Variants in EDEM3 observed in about 807,000 individuals in gnomAD.
EDEM3 encodes ER degradation-enhancing alpha-mannosidase-like protein 3.
A neutral mutation model predicts 110.2 loss-of-function variants in EDEM3; 60 were observed. That is an observed-to-expected ratio of 0.54 (90% CI 0.44 to 0.67). The LOEUF (loss-of-function observed/expected upper bound fraction) is 0.67. Ranked by LOEUF, EDEM3 falls within the 30% of genes least tolerant of loss-of-function variation. The probability of loss-of-function intolerance (pLI) is 0.00; values close to 1 mark genes in which losing one functional copy is unlikely to be tolerated. For synonymous variants in EDEM3, 352 were observed against 382.9 expected (o/e 0.92, Z 0.94); for missense variants, 996 against 1,121.0 (o/e 0.89, Z 1.59).
At chr1:184,731,903 G>A (rs557948255) in intron 6 of EDEM3, among the ~76,000 whole-genome samples, 3 of 152,234 alleles carry the variant, frequency 2.0e-5, no homozygotes, top group Admixed American at 2.0e-4. Flanking sequence ...GCACCTGGGT[G>A]TGGTGGCTCA....
chr1:184,708,005 A>G (rs969060628), intron 17 of EDEM3, 148 bp downstream of exon 17: 2 of 694,604 alleles, frequency 2.9e-6, no homozygotes, highest in Admixed American at 3.6e-5. Context: ...TTTTCAAGAC[A>G]TGCTTTTACT....
At chr1:184,750,749 G>A (rs1429808912) in intron 1 of EDEM3, among the ~76,000 whole-genome samples, 2 of 152,002 alleles carry the variant, frequency 1.3e-5, no homozygotes, top group Admixed American at 6.6e-5. Context: ...CTGACCTCAT[G>A]TGATCCACCC....
Position 184,711,893 on chromosome 1 carries a change from AT to A in EDEM3, c.1537-17del, listed in dbSNP as rs758157305. 13 of 1,562,846 alleles carry A rather than the reference AT, an allele frequency of 8.3e-6. No individual in the cohort carries two copies. Among genetic ancestry groups the A allele is most frequent in the African/African-American group, 2.8e-5 (2 of 72,084 alleles). Reference sequence around the variant, plus strand: ...ATTCCGAGGTCTACAAGAGAAAAACATTTTATGTAAACAGAAATAATTATTT... The same window carrying A: ...ATTCCGAGGTCTACAAGAGAAAAACATTTATGTAAACAGAAATAATTATTT... On this transcript the variant is annotated splice_polypyrimidine_tract_variant and intron_variant, in intron 14 of 19. Transcript: ENST00000318130.
At chr1:184,723,975 G>T (rs1396125106) in intron 7 of EDEM3, 119 bp from the exon 8 acceptor site, 2 of 698,670 alleles carry the variant, frequency 2.9e-6, no homozygotes, top group East Asian at 3.1e-5. Flanking sequence ...TAAGAATTAG[G>T]TTAAATTTCT....
At chr1:184,701,078 T>C (rs1410889389) in intron 19 of EDEM3, among the ~76,000 whole-genome samples, 3 of 152,068 alleles carry the variant, frequency 2.0e-5, no homozygotes, top group African/African-American at 4.8e-5. Flanking sequence ...GAATTAATCA[T>C]GTCTCATAAC....
At chr1:184,754,448 G>C (rs372813411) in intron 1 of EDEM3, 41 bp downstream of exon 1, 1 of 1,611,474 alleles carries the variant, frequency 6.2e-7, no homozygotes, top group African/African-American at 1.3e-5. Context: ...CCTGTTGTCA[G>C]CCTCACCGAG....
intron 2 of EDEM3, among the ~76,000 whole-genome samples, chr1:184,738,021 C>T (rs1462644717): frequency 2.0e-5 from 3 of 152,110 alleles, no homozygotes; most frequent in Admixed American, 2.0e-4. Flanking sequence ...CACATACATT[C>T]AAATACATAC....
At chr1:184,725,915 G>T (rs1487591455) in intron 7 of EDEM3, among the ~76,000 whole-genome samples, 1 of 152,036 alleles carries the variant, frequency 6.6e-6, no homozygotes, top group African/African-American at 2.4e-5. Context: ...CAATATGGAA[G>T]TCTAACAAAT....
At chr1:184,752,261 C>T (rs1367507070) in intron 1 of EDEM3, among the ~76,000 whole-genome samples, 1 of 152,102 alleles carries the variant, frequency 6.6e-6, no homozygotes, top group Admixed American at 6.5e-5. Flanking sequence ...TGAGCAATTG[C>T]TTACTATTCA....
chr1:184,707,679 A>G (rs1052190201), intron 17 of EDEM3, among the ~76,000 whole-genome samples: 2 of 152,184 alleles, frequency 1.3e-5, no homozygotes, highest in African/African-American at 4.8e-5. Flanking sequence ...TTTCTACGTT[A>G]TAACTATGTT....
rs746090883 is a variant in EDEM3 at position 184,733,000 on chromosome 1, C to T, written c.459-10G>A. 6.8e-6 allele frequency: 11 copies of T among 1,611,848 alleles called. No individual in the cohort carries two copies. In the African/African-American group the frequency reaches 1.1e-4, roughly 16 times the overall value. ...CCCACCCAAAAGACCCCTAGGATCA[C>T]AGAGATGAAACATTATCCATATCTT... On this transcript the variant is annotated splice_polypyrimidine_tract_variant and intron_variant, in intron 5 of 19. Transcript: ENST00000318130.
At position 184,694,046 on chromosome 1, in the gene EDEM3, A is replaced by T. The variant is rs1649200402; in HGVS notation, c.*17T>A. ...ACCTTTTCTTTTTAAATACCTACCAACAGATTGTTTAGCAAGTCATAGCTC... is the reference window on the plus strand; with the variant it reads ...ACCTTTTCTTTTTAAATACCTACCATCAGATTGTTTAGCAAGTCATAGCTC... On this transcript the variant is annotated 3_prime_UTR_variant, in exon 20 of 20. Coordinates refer to ENST00000318130, the MANE Select transcript of EDEM3 (RefSeq NM_025191.4). 1 of 1,603,560 alleles carries T rather than the reference A, an allele frequency of 6.2e-7. No homozygotes were observed. Among genetic ancestry groups the T allele is most frequent in the East Asian group, 2.2e-5 (1 of 44,750 alleles).
At position 184,711,840 on chromosome 1, in the gene EDEM3, T is replaced by C. The variant is rs1169641764; in HGVS notation, c.1574A>G (p.Asp525Gly). The C allele has an allele frequency of 1.5e-5, 24 of 1,613,270 alleles. No homozygotes were observed. Among genetic ancestry groups the C allele is most frequent in the Non-Finnish European group, 1.9e-5 (23 of 1,179,510 alleles). Residue 525 changes from aspartate (D) to glycine (G), a missense_variant, in exon 15 of 20, where the codon GAT becomes GGT. Physicochemically the swap from Asp to Gly is moderately conservative, Grantham distance 94. Coordinates refer to ENST00000318130, the MANE Select transcript of EDEM3 (RefSeq NM_025191.4). Reference protein sequence around the residue: ...EYTELDDSNFDWTCPNTQILF... With the variant: ...EYTELDDSNFGWTCPNTQILF... ...GATCTGAGTATTTGGACAAGTCCAATCGAAGTTACTGTCATCCAGTTCTGT... is the reference window on the plus strand; with the variant it reads ...GATCTGAGTATTTGGACAAGTCCAACCGAAGTTACTGTCATCCAGTTCTGT...
At chr1:184,746,656 T>C (rs180878432) in intron 2 of EDEM3, among the ~76,000 whole-genome samples, 1 of 152,270 alleles carries the variant, frequency 6.6e-6, no homozygotes, top group African/African-American at 2.4e-5. Context: ...AGATGAGAGG[T>C]GGCAGAGCCA....
chr1:184,697,046 A>T (rs2102054297), intron 19 of EDEM3, among the ~76,000 whole-genome samples: 1 of 152,066 alleles, frequency 6.6e-6, no homozygotes. Flanking sequence ...ATTAGAATTG[A>T]TAAAAAAAAT....
At chr1:184,740,978 AG>A (rs1652104448) in intron 2 of EDEM3, among the ~76,000 whole-genome samples, 1 of 152,256 alleles carries the variant, frequency 6.6e-6, no homozygotes, top group African/African-American at 2.4e-5. Context: ...ATCCAAATTT[AG>A]AAAGGAGTAT....
intron 2 of EDEM3, among the ~76,000 whole-genome samples, chr1:184,739,950 T>C (rs936722745): frequency 1.6e-4 from 25 of 152,030 alleles, no homozygotes; most frequent in African/African-American, 5.6e-4. Flanking sequence ...CCAAAGGACA[T>C]AGGAGTTGAT....
intron 7 of EDEM3, 78 bp from the exon 8 acceptor site, chr1:184,723,934 C>T (rs1339688409): frequency 2.1e-5 from 22 of 1,041,922 alleles, no homozygotes; most frequent in Non-Finnish European, 2.8e-5. Context: ...AGGAAACTAA[C>T]AAACAAAACT....
intron 4 of EDEM3, among the ~76,000 whole-genome samples, chr1:184,736,437 A>G (rs769790265): frequency 1.2e-4 from 18 of 152,312 alleles, no homozygotes; most frequent in Admixed American, 4.6e-4. Flanking sequence ...CTTTTATACC[A>G]TAATGATCTA....
Sources: allele counts gnomAD v4.1 joint callset (sites outside exome capture counted in the v4.1 genomes callset), GRCh38; gene constraint gnomAD v4.1.1; transcripts MANE v1.5; gene names NCBI Gene and HGNC (gene_info 2026-07-23, HGNC 2026-07-21).